The following GLIS3 variants were observed in gnomAD, a reference collection of about 807,000 sequenced individuals.
The protein encoded by GLIS3 is zinc finger protein GLIS3.
Under a neutral mutation model 78.6 loss-of-function variants are expected in GLIS3, and 53 were observed. The observed-to-expected ratio is 0.67, with a 90% confidence interval of 0.54 to 0.85. The LOEUF is 0.85. Ranked by LOEUF, GLIS3 falls within the 40% of genes least tolerant of loss-of-function variation. GLIS3 has a pLI of 0.00. For synonymous variants in GLIS3, 684 were observed against 509.9 expected, an observed-to-expected ratio of 1.34 and a Z score of -4.60; for missense variants, 1,703 against 1,231.1, an observed-to-expected ratio of 1.38 and a Z score of -5.74.
the GLIS3 span, among the ~76,000 whole-genome samples, chr9:4,489,439 A>C: frequency 6.6e-6 from 1 of 152,316 alleles, no homozygotes; most frequent in South Asian, 2.1e-4. Flanking sequence ...ATTCTACAAT[A>C]GCAAAAAGGG....
At chr9:4,391,948 T>C in the GLIS3 span, among the ~76,000 whole-genome samples, 3,672 of 152,304 alleles carry the variant, frequency 0.024, 154 homozygotes, top group African/African-American at 0.084. Flanking sequence ...GATATATGCA[T>C]GCGTATGTTC....
chr9:4,283,887 C>G (rs1056261429), intron 2 of GLIS3, among the ~76,000 whole-genome samples: 1 of 152,172 alleles, frequency 6.6e-6, no homozygotes, highest in Non-Finnish European at 1.5e-5. Flanking sequence ...TCCTCTACCC[C>G]TCATTTGTGC....
rs577109607 is a variant in GLIS3 at position 4,160,755 on chromosome 9, T to C, written c.389-34814A>G. Among the ~76,000 whole-genome samples the C allele has an allele frequency of 3.9e-5, 6 of 152,308 alleles. No individual in the cohort carries two copies. The East Asian group carries it at 9.6e-4, about 24-fold the overall frequency. On this transcript the variant is annotated intron_variant, in intron 2 of 10. Transcript: ENST00000381971. ...ACTCTGTACTTTCCAACCTATTCTATAGCCAAGTTAGGGTTTCAGATATAT... is the reference window on the plus strand; with the variant it reads ...ACTCTGTACTTTCCAACCTATTCTACAGCCAAGTTAGGGTTTCAGATATAT...
the GLIS3 span, among the ~76,000 whole-genome samples, chr9:4,411,937 G>A: frequency 5.9e-5 from 9 of 152,196 alleles, no homozygotes; most frequent in African/African-American, 2.2e-4. Flanking sequence ...AACTAGTTTA[G>A]ATAAAATAAT....
chr9:4,269,509 A>C (rs1246361122), intron 2 of GLIS3, among the ~76,000 whole-genome samples: 6 of 152,222 alleles, frequency 3.9e-5, no homozygotes, highest in African/African-American at 1.4e-4. Flanking sequence ...AAAGCAAATA[A>C]CCAGATGTCT....
At chr9:4,320,242 A>T (rs1191028652) in intron 2 of GLIS3, among the ~76,000 whole-genome samples, 2 of 152,092 alleles carry the variant, frequency 1.3e-5, no homozygotes, top group Non-Finnish European at 2.9e-5. Context: ...TGCATGCTTC[A>T]TTCACTCCAG....
At chr9:4,384,045 T>C in the GLIS3 span, among the ~76,000 whole-genome samples, 19 of 152,352 alleles carry the variant, frequency 1.2e-4, no homozygotes, top group South Asian at 1.0e-3. Flanking sequence ...ATGTCATTTA[T>C]AGGGCAGATG....
chr9:4,344,396 G>GT (rs1442872633), intron 2 of GLIS3, among the ~76,000 whole-genome samples: 2 of 152,146 alleles, frequency 1.3e-5, no homozygotes, highest in African/African-American at 4.8e-5. Flanking sequence ...GCAAAGTTGT[G>GT]TTTTCTCCTT....
intron 6 of GLIS3, among the ~76,000 whole-genome samples, chr9:3,919,714 A>C (rs1824748289): frequency 6.6e-6 from 1 of 152,052 alleles, no homozygotes; most frequent in African/African-American, 2.4e-5. Context: ...GGATACCCCA[A>C]CTGGATGGTA....
intron 4 of GLIS3, among the ~76,000 whole-genome samples, chr9:4,306,260 C>CA (rs911741024): frequency 1.6e-5 from 1 of 62,480 alleles, no homozygotes; most frequent in Non-Finnish European, 3.2e-5. Flanking sequence ...TTTGTAGAGG[C>CA]AGGGGGGTCT....
intron 4 of GLIS3, among the ~76,000 whole-genome samples, chr9:4,067,119 C>T (rs1047917810): frequency 2.6e-5 from 4 of 152,062 alleles, no homozygotes; most frequent in Non-Finnish European, 4.4e-5. Flanking sequence ...GAAAAATCTG[C>T]TCCCTGAATT....
At chr9:4,082,126 T>G (rs1329395869) in intron 4 of GLIS3, among the ~76,000 whole-genome samples, 6 of 152,194 alleles carry the variant, frequency 3.9e-5, no homozygotes, top group African/African-American at 1.4e-4. Flanking sequence ...TTGTGCTCTG[T>G]GCATATCACA....
intron 4 of GLIS3, among the ~76,000 whole-genome samples, chr9:4,083,101 G>A (rs1828701152): frequency 6.6e-6 from 1 of 152,104 alleles, no homozygotes; most frequent in Admixed American, 6.6e-5. Flanking sequence ...ATAAATAAGG[G>A]AACAGAAATT....
intron 2 of GLIS3, among the ~76,000 whole-genome samples, chr9:4,201,431 A>C (rs1488403035): frequency 6.6e-6 from 1 of 152,220 alleles, no homozygotes; most frequent in Non-Finnish European, 1.5e-5. Flanking sequence ...ATACCTAGAA[A>C]ACTCTAAAGA....
chr9:4,081,007 A>G (rs926189090), intron 4 of GLIS3, among the ~76,000 whole-genome samples: 1 of 152,184 alleles, frequency 6.6e-6, no homozygotes, highest in Non-Finnish European at 1.5e-5. Flanking sequence ...TTTCTACTCC[A>G]CAGGGCGTTT....
intron 1 of GLIS3, among the ~76,000 whole-genome samples, chr9:4,296,987 A>AT (rs1396848274): frequency 1.3e-5 from 2 of 151,686 alleles, no homozygotes; most frequent in Non-Finnish European, 2.9e-5. Flanking sequence ...AACGACCTTC[A>AT]TCGTGGCGGA....
At chr9:4,231,297 A>T (rs972067208) in intron 2 of GLIS3, among the ~76,000 whole-genome samples, 9 of 152,208 alleles carry the variant, frequency 5.9e-5, no homozygotes, top group South Asian at 2.1e-4. Context: ...ATGAACAGTA[A>T]ATTTGAAGAT....
At chr9:4,385,749 G>A in the GLIS3 span, among the ~76,000 whole-genome samples, 3 of 1,420 alleles carry the variant, frequency 2.1e-3, no homozygotes, top group Admixed American at 7.0e-3. Context: ...AAGAAAGAAA[G>A]AAAGAAAGAA....
chr9:3,918,416 A>C (rs1824660461), intron 6 of GLIS3, among the ~76,000 whole-genome samples: 1 of 152,314 alleles, frequency 6.6e-6, no homozygotes, highest in African/African-American at 2.4e-5. Flanking sequence ...TCAAAAGGCA[A>C]GCATGCTTAT....
Sources: allele counts gnomAD v4.1 joint callset (sites outside exome capture counted in the v4.1 genomes callset), GRCh38; gene constraint gnomAD v4.1.1; transcripts MANE v1.5; gene names NCBI Gene and HGNC (gene_info 2026-07-23, HGNC 2026-07-21).